The following PCDHA5 variants were observed in gnomAD, a reference collection of about 807,000 sequenced individuals.
The protein encoded by PCDHA5 is protocadherin alpha 5.
A neutral mutation model predicts 61.6 loss-of-function variants in PCDHA5; 43 were observed. The ratio of observed to expected loss-of-function variants is 0.70; its 90% CI spans 0.55 to 0.90. PCDHA5 has a LOEUF of 0.90. PCDHA5 is among the 40% of genes least tolerant of loss of function. The pLI, the probability that PCDHA5 is intolerant of heterozygous loss-of-function variation, is 0.00. For synonymous variants in PCDHA5, 627 were observed against 543.9 expected (o/e 1.15, Z -2.13); for missense variants, 1,298 against 1,222.7 (o/e 1.06, Z -0.92).
intron 2 of PCDHA5, among the ~76,000 whole-genome samples, chr5:140,981,654 A>ATTTCTTCCTTCC (rs563193906): frequency 2.0e-5 from 3 of 152,026 alleles, no homozygotes; most frequent in Non-Finnish European, 2.9e-5. Context: ...GATCCCACTT[A>ATTTCTTCCTTCC]TTTCTTCCTT....
intron 1 of PCDHA5, chr5:140,834,307 G>C: frequency 7.5e-7 from 1 of 1,341,606 alleles, no homozygotes; most frequent in South Asian, 1.4e-5. Flanking sequence ...CATCGAGATT[G>C]AAATGAAGGG....
At chr5:140,979,843 A>G (rs1373380351) in intron 2 of PCDHA5, among the ~76,000 whole-genome samples, 1 of 152,246 alleles carries the variant, frequency 6.6e-6, no homozygotes, top group African/African-American at 2.4e-5. Context: ...TAATCTTCAA[A>G]CTTAAGCCCC....
intron 1 of PCDHA5, chr5:140,928,449 G>A (rs1225507568): frequency 3.7e-6 from 6 of 1,614,136 alleles, no homozygotes; most frequent in Non-Finnish European, 5.1e-6. Context: ...AGCAGCTCAG[G>A]GGGTTTCATT....
intron 1 of PCDHA5, chr5:140,848,054 T>TA (rs1554141984): frequency 1.2e-5 from 2 of 162,052 alleles, no homozygotes; most frequent in African/African-American, 4.9e-5. Context: ...TTTTAATTGT[T>TA]ACTTCATTTC....
chr5:140,829,467 A>G, intron 1 of PCDHA5: 6 of 1,613,844 alleles, frequency 3.7e-6, no homozygotes, highest in Non-Finnish European at 5.1e-6. Flanking sequence ...GCGCAGCCCG[A>G]GTACACAGTG....
rs782564746 is a variant in PCDHA5 at position 140,871,379 on chromosome 5, C to T, written c.2352+47252C>T. 2.2e-5 allele frequency: 36 copies of T among 1,614,072 alleles called. No homozygotes were observed. Among genetic ancestry groups the T allele is most frequent in the Non-Finnish European group, 2.8e-5 (33 of 1,180,034 alleles). On this transcript the variant is annotated intron_variant, in intron 1 of 3. Transcript: ENST00000529859. ...CAGCAGAGGCGGCAGAGGGTGTGCT[C>T]TGAGGAGGGCCCACCTAAGACGGAC...
chr5:140,836,092 T>C, intron 1 of PCDHA5: 2 of 1,613,516 alleles, frequency 1.2e-6, no homozygotes, highest in South Asian at 1.1e-5. Context: ...GCGCCTCGGG[T>C]GGGTGGCACT....
chr5:140,871,506 A>G, intron 1 of PCDHA5: 11 of 1,580,864 alleles, frequency 7.0e-6, no homozygotes, highest in Non-Finnish European at 8.6e-6. Flanking sequence ...TGAGTTTTCT[A>G]CAGATTCCAC....
intron 1 of PCDHA5, among the ~76,000 whole-genome samples, chr5:140,887,550 TACTG>T (rs2061493394): frequency 1.3e-5 from 2 of 152,206 alleles, no homozygotes; most frequent in Non-Finnish European, 2.9e-5. Flanking sequence ...CCCTCATGGT[TACTG>T]TTAAAACTTT....
intron 1 of PCDHA5, chr5:140,968,357 C>T: frequency 6.2e-7 from 1 of 1,614,080 alleles, no homozygotes; most frequent in Non-Finnish European, 8.5e-7. Context: ...CAGTGGCAGC[C>T]TTTATGCTGT....
intron 1 of PCDHA5, among the ~76,000 whole-genome samples, chr5:140,891,303 T>C (rs1007949282): frequency 6.6e-6 from 1 of 152,178 alleles, no homozygotes; most frequent in Non-Finnish European, 1.5e-5. Flanking sequence ...GGTATTTGAT[T>C]ACATGAGTAA....
At chr5:140,876,395 T>G in intron 1 of PCDHA5, 1 of 1,613,920 alleles carries the variant, frequency 6.2e-7, no homozygotes, top group Non-Finnish European at 8.5e-7. Flanking sequence ...TATGGTGAAC[T>G]GGATTTTGAA....
chr5:140,951,922 T>C (rs191831107), intron 1 of PCDHA5, among the ~76,000 whole-genome samples: 135 of 152,266 alleles, frequency 8.9e-4, no homozygotes, highest in Non-Finnish European at 1.0e-3. Flanking sequence ...AACAAGTTAG[T>C]TACTCCCAAG....
Position 140,963,207 on chromosome 5 carries a change from C to A in PCDHA5, c.2353-15742C>A, listed in dbSNP as rs180756619. Among the ~76,000 whole-genome samples, 890 of 148,428 alleles carry A rather than the reference C, an allele frequency of 6.0e-3. 8 individuals are homozygous for A. Among genetic ancestry groups the A allele is most frequent in the African/African-American group, 0.021 (788 of 38,366 alleles). On this transcript the variant is annotated intron_variant, in intron 1 of 3. Transcript: ENST00000529859. Reference sequence around the variant, plus strand: ...TAGACTGTGAAAATGAAAAAAAAAACCTCGTGTTTAGAGTAGACACTGTTT... The same window carrying A: ...TAGACTGTGAAAATGAAAAAAAAAAACTCGTGTTTAGAGTAGACACTGTTT...
intron 3 of PCDHA5, among the ~76,000 whole-genome samples, chr5:140,987,227 AT>A (rs1395687024): frequency 4.6e-5 from 7 of 151,696 alleles, no homozygotes; most frequent in African/African-American, 1.7e-4. Context: ...AAAAAAAAAA[AT>A]AATAAATAAA....
rs781938191 is a variant in PCDHA5 at position 140,871,499 on chromosome 5, GT to G, written c.2352+47376del. 14 of 1,584,318 alleles carry G rather than the reference GT, an allele frequency of 8.8e-6. No individual in the cohort carries two copies. In the East Asian group the frequency reaches 2.7e-4, roughly 31 times the overall value. On this transcript the variant is annotated intron_variant, in intron 1 of 3. Coordinates refer to ENST00000529859, the MANE Select transcript of PCDHA5 (RefSeq NM_018908.3). ...GGGTCAAATCACCCCGGACAGGTGAGTTTTCTACAGATTCCACCTATCAGGA... is the reference window on the plus strand; with the variant it reads ...GGGTCAAATCACCCCGGACAGGTGAGTTTCTACAGATTCCACCTATCAGGA...
At chr5:140,838,332 C>T (rs1177546709) in intron 1 of PCDHA5, among the ~76,000 whole-genome samples, 2 of 149,836 alleles carry the variant, frequency 1.3e-5, no homozygotes, top group African/African-American at 2.5e-5. Flanking sequence ...CCATGTTGCC[C>T]CGGCTGGTCT....
chr5:140,993,891 C>G (rs2097585722), intron 3 of PCDHA5, among the ~76,000 whole-genome samples: 1 of 152,096 alleles, frequency 6.6e-6, no homozygotes. Flanking sequence ...CTATGATGTC[C>G]ATACAACAAA....
intron 1 of PCDHA5, among the ~76,000 whole-genome samples, chr5:140,886,288 A>T (rs1227734409): frequency 6.6e-6 from 1 of 151,870 alleles, no homozygotes; most frequent in Non-Finnish European, 1.5e-5. Flanking sequence ...AATTATTTTT[A>T]TATTTATTTA....
Sources: gnomAD v4.1 joint callset for allele counts (sites outside exome capture counted in the v4.1 genomes callset) on GRCh38, gnomAD v4.1.1 for gene constraint, MANE v1.5 for transcripts, NCBI Gene and HGNC (gene_info 2026-07-23, HGNC 2026-07-21) for gene names.